Variants in STK4 observed in about 807,000 individuals in gnomAD.
STK4 encodes the protein serine/threonine-protein kinase 4.
Under a neutral mutation model 64.9 loss-of-function variants are expected in STK4, and 30 were observed. The ratio of observed to expected loss-of-function variants is 0.46; its 90% CI spans 0.35 to 0.63. STK4 has a LOEUF of 0.63. Ranked by LOEUF, STK4 falls within the 20% of genes least tolerant of loss-of-function variation. The pLI, the probability that STK4 is intolerant of heterozygous loss-of-function variation, is 0.01. For synonymous variants in STK4, 177 were observed against 199.0 expected (o/e 0.89, Z 0.93); for missense variants, 466 against 598.5 (o/e 0.78, Z 2.31).
intron 9 of STK4, among the ~76,000 whole-genome samples, chr20:45,021,487 G>A (rs531111263): frequency 1.2e-4 from 19 of 152,144 alleles, no homozygotes; most frequent in Non-Finnish European, 2.2e-4. Context: ...TTTATTTTCT[G>A]GAATCACTAA....
chr20:44,970,118 C>T (rs1006913329), intron 1 of STK4, among the ~76,000 whole-genome samples: 2 of 152,014 alleles, frequency 1.3e-5, no homozygotes, highest in East Asian at 1.9e-4. Context: ...GTATTCGAGC[C>T]GTCATATGCT....
chr20:45,012,799 C>CTTTTT (rs57529086), intron 9 of STK4, among the ~76,000 whole-genome samples: 1 of 115,604 alleles, frequency 8.7e-6, no homozygotes, highest in African/African-American at 3.2e-5. Context: ...TCTTCTTCTT[C>CTTTTT]TTTTTTTTTT....
rs2067444713 is a variant in STK4 at position 44,981,795 on chromosome 20, A to G, written c.246-34A>G. 3 of 1,330,124 alleles carry G rather than the reference A, an allele frequency of 2.3e-6. No homozygotes were observed. The Admixed American group carries it at 5.2e-5, about 23-fold the overall frequency. 82.4% of individuals were successfully genotyped at this position (1,330,124 alleles called of 1,614,324 possible). ...ATGAATTAAGAGATATTTGAAGGCC[A>G]TTTTATTAATTTGTATTGTCTCTCT... On this transcript the variant is annotated intron_variant, in intron 3 of 10. Transcript: ENST00000372806.
intron 10 of STK4, among the ~76,000 whole-genome samples, chr20:45,048,702 G>A (rs564575848): frequency 5.3e-5 from 8 of 152,168 alleles, no homozygotes; most frequent in African/African-American, 1.9e-4. Flanking sequence ...GGCTGGCCTC[G>A]AACTCCTGAC....
At chr20:45,066,002 T>C (rs1444828399) in intron 10 of STK4, among the ~76,000 whole-genome samples, 1 of 151,970 alleles carries the variant, frequency 6.6e-6, no homozygotes, top group Admixed American at 6.6e-5. Flanking sequence ...AGCATAAGAG[T>C]TGTGATGCTG....
At position 45,077,876 on chromosome 20, in the gene STK4, C is replaced by G. The variant is rs1980636925; in HGVS notation, c.*2700C>G. On this transcript the variant is annotated 3_prime_UTR_variant, in exon 11 of 11. Transcript: ENST00000372806. ...GTGTGCACCCAGCTTGCTGATCCAA[C>G]AAAGTCTATTGCTTACCAGTCTAGC... 1 of 152,214 alleles carries G rather than the reference C, an allele frequency of 6.6e-6. No homozygotes were observed. The highest frequency in any genetic ancestry group is 1.5e-5 in the Non-Finnish European group (1 of 68,046). 9.4% of individuals were successfully genotyped at this position (152,214 alleles called of 1,614,324 possible).
At chr20:44,994,076 G>T (rs1236633411) in intron 5 of STK4, among the ~76,000 whole-genome samples, 1 of 151,844 alleles carries the variant, frequency 6.6e-6, no homozygotes, top group Admixed American at 6.6e-5. Context: ...TATGCAAGTG[G>T]TTATTTGCTG....
intron 2 of STK4, among the ~76,000 whole-genome samples, chr20:44,977,691 G>A (rs935159991): frequency 6.6e-6 from 1 of 152,094 alleles, no homozygotes; most frequent in African/African-American, 2.4e-5. Context: ...AAATCTAGTG[G>A]ATCTGTAGCC....
intron 10 of STK4, among the ~76,000 whole-genome samples, chr20:45,034,019 T>C (rs1265898830): frequency 3.9e-5 from 6 of 152,008 alleles, no homozygotes; most frequent in Non-Finnish European, 8.8e-5. Context: ...AAATCTTACT[T>C]TAAAGATAAA....
intron 10 of STK4, among the ~76,000 whole-genome samples, chr20:45,035,736 T>C (rs1262469635): frequency 2.0e-5 from 3 of 152,190 alleles, no homozygotes; most frequent in African/African-American, 4.8e-5. Flanking sequence ...CATTTCAAAT[T>C]AAACTCAGAC....
chr20:44,969,108 C>T (rs946654305), intron 1 of STK4, among the ~76,000 whole-genome samples: 14 of 152,158 alleles, frequency 9.2e-5, no homozygotes, highest in African/African-American at 3.4e-4. Flanking sequence ...AGGGCATGCC[C>T]ATATGACCTC....
At chr20:45,027,845 G>A (rs1339011134) in intron 10 of STK4, among the ~76,000 whole-genome samples, 2 of 152,126 alleles carry the variant, frequency 1.3e-5, no homozygotes, top group Non-Finnish European at 1.5e-5. Context: ...CCACATGAGT[G>A]AGAACATGTA....
chr20:44,969,492 G>A (rs758152177), intron 1 of STK4, among the ~76,000 whole-genome samples: 6 of 146,930 alleles, frequency 4.1e-5, no homozygotes, highest in Non-Finnish European at 9.0e-5. Context: ...CTTTGTGTTC[G>A]TGAGTTTGAC....
At position 44,981,958 on chromosome 20, in the gene STK4, T is replaced by C; in HGVS notation, c.360+15T>C. The C allele has an allele frequency of 6.4e-7, 1 of 1,563,944 alleles. No individual in the cohort carries two copies. Among genetic ancestry groups the C allele is most frequent in the Non-Finnish European group, 8.8e-7 (1 of 1,134,462 alleles). ...GAAATAAAACGGTAGGTTTACCTTC[T>C]AGAACATGCAACTGAGCTAGTTTCT... On this transcript the variant is annotated intron_variant, in intron 4 of 10. Coordinates refer to ENST00000372806, the MANE Select transcript of STK4 (RefSeq NM_006282.5).
intron 10 of STK4, among the ~76,000 whole-genome samples, chr20:45,034,545 G>T (rs574232567): frequency 3.3e-5 from 5 of 152,186 alleles, no homozygotes; most frequent in East Asian, 1.9e-4. Flanking sequence ...GAAGAACAAG[G>T]TTGATCTTAT....
At chr20:45,044,009 A>G (rs1282180956) in intron 10 of STK4, among the ~76,000 whole-genome samples, 1 of 152,208 alleles carries the variant, frequency 6.6e-6, no homozygotes, top group East Asian at 1.9e-4. Flanking sequence ...AAACTACTCT[A>G]AAACAAAGGA....
chr20:45,074,015 A>G (rs1980305461), intron 10 of STK4, among the ~76,000 whole-genome samples: 2 of 152,204 alleles, frequency 1.3e-5, no homozygotes, highest in Middle Eastern at 3.2e-3. Context: ...CCACATTTTA[A>G]ACAAAGGTTG....
At chr20:44,998,298 G>A (rs1013821432) in intron 7 of STK4, among the ~76,000 whole-genome samples, 2 of 152,098 alleles carry the variant, frequency 1.3e-5, no homozygotes. Context: ...TGTGATCTTG[G>A]GCAAGTAACT....
chr20:44,999,536 G>A (rs1302430285), intron 7 of STK4, among the ~76,000 whole-genome samples: 1 of 152,196 alleles, frequency 6.6e-6, no homozygotes, highest in Non-Finnish European at 1.5e-5. Flanking sequence ...ATTTCCATAT[G>A]TAACTTTCAC....
Sources: allele counts gnomAD v4.1 joint callset (sites outside exome capture counted in the v4.1 genomes callset), GRCh38; gene constraint gnomAD v4.1.1; transcripts MANE v1.5; gene names NCBI Gene and HGNC (gene_info 2026-07-23, HGNC 2026-07-21).